PDE1C: variants seen among roughly 807,000 people sequenced by gnomAD.
The protein encoded by PDE1C is phosphodiesterase 1C.
PDE1C carries 62 observed loss-of-function variants against 93.1 expected under a neutral mutation model. The ratio of observed to expected loss-of-function variants is 0.67; its 90% CI spans 0.54 to 0.82. The LOEUF is 0.82. Ranked by LOEUF, PDE1C falls within the 40% of genes least tolerant of loss-of-function variation. PDE1C has a pLI of 0.00. For synonymous variants in PDE1C, 325 were observed against 310.1 expected, an observed-to-expected ratio of 1.05 and a Z score of -0.50; for missense variants, 742 against 884.6, an observed-to-expected ratio of 0.84 and a Z score of 2.04.
the PDE1C span, among the ~76,000 whole-genome samples, chr7:31,664,343 G>A: frequency 6.6e-6 from 1 of 152,268 alleles, no homozygotes; most frequent in East Asian, 1.9e-4. Context: ...TTGGGCAGGT[G>A]TTTGTTTAAA....
chr7:31,872,339 A>T (rs577115682), intron 6 of PDE1C, among the ~76,000 whole-genome samples: 32 of 152,214 alleles, frequency 2.1e-4, no homozygotes, highest in Non-Finnish European at 4.0e-4. Context: ...GACTACAGTT[A>T]ACAAGAATGT....
At chr7:32,249,857 A>G (rs1162472777) in intron 1 of PDE1C, among the ~76,000 whole-genome samples, 1 of 152,228 alleles carries the variant, frequency 6.6e-6, no homozygotes, top group African/African-American at 2.4e-5. Context: ...CATGTGCTCA[A>G]GGGTTACCTT....
intron 1 of PDE1C, among the ~76,000 whole-genome samples, chr7:32,363,237 A>G (rs973460155): frequency 5.3e-5 from 8 of 152,242 alleles, no homozygotes; most frequent in African/African-American, 1.9e-4. Context: ...ATGTATGATC[A>G]TCTCATTGTA....
chr7:32,184,398 C>G lies in PDE1C; in HGVS notation c.137-14442G>C, dbSNP rs556616877. 3.5e-4 allele frequency among the ~76,000 whole-genome samples: 54 copies of G among 152,282 alleles called. 1 individual carries two copies. Among genetic ancestry groups the G allele is most frequent in the Admixed American group, 7.2e-4 (11 of 15,300 alleles). On this transcript the variant is annotated intron_variant, in intron 2 of 18. Transcript: ENST00000396193. ...CACAATAGCAAAGACTTGGAACCAA[C>G]CCAAATGTCCAACAATGATAGACTG...
chr7:31,918,837 C>A (rs1802256643), intron 2 of PDE1C, among the ~76,000 whole-genome samples: 1 of 152,148 alleles, frequency 6.6e-6, no homozygotes, highest in African/African-American at 2.4e-5. Flanking sequence ...CCTGCGTAGC[C>A]AGAAGCCTCT....
chr7:32,390,558 A>AC (rs1369077569), intron 1 of PDE1C, among the ~76,000 whole-genome samples: 1 of 148,076 alleles, frequency 6.8e-6, no homozygotes, highest in African/African-American at 2.5e-5. Context: ...AAAAAAAAAA[A>AC]AAACTTGGCC....
At chr7:31,923,441 G>T (rs1433222580) in intron 2 of PDE1C, among the ~76,000 whole-genome samples, 3 of 152,190 alleles carry the variant, frequency 2.0e-5, no homozygotes, top group Non-Finnish European at 4.4e-5. Flanking sequence ...TGAGTCTAAG[G>T]TATAGCCAGA....
At chr7:31,677,714 A>G in the PDE1C span, among the ~76,000 whole-genome samples, 1 of 152,182 alleles carries the variant, frequency 6.6e-6, no homozygotes, top group South Asian at 2.1e-4. Flanking sequence ...CTTTTTCTCT[A>G]AAGTCAGGAA....
chr7:32,051,444 G>A (rs1342819403), intron 2 of PDE1C, 110 bp downstream of exon 2: 10 of 1,048,166 alleles, frequency 9.5e-6, no homozygotes, highest in Non-Finnish European at 1.2e-5. Context: ...AACATGCTGA[G>A]AAAGAACCAA....
intron 2 of PDE1C, among the ~76,000 whole-genome samples, chr7:31,883,736 G>A (rs1797537949): frequency 6.6e-6 from 1 of 152,192 alleles, no homozygotes; most frequent in Admixed American, 6.5e-5. Flanking sequence ...AGAGGAGTGG[G>A]GCCTTCAGGG....
At chr7:32,079,821 T>C (rs1181201352) in intron 3 of PDE1C, among the ~76,000 whole-genome samples, 3 of 152,188 alleles carry the variant, frequency 2.0e-5, no homozygotes, top group Non-Finnish European at 4.4e-5. Context: ...TCTGCTACAC[T>C]GGGTTGGTTA....
chr7:32,207,273 C>T (rs138011975), intron 2 of PDE1C, among the ~76,000 whole-genome samples: 9 of 151,884 alleles, frequency 5.9e-5, no homozygotes, highest in South Asian at 2.1e-4. Context: ...TGCCTGATTC[C>T]GTACTGGGCA....
intron 3 of PDE1C, among the ~76,000 whole-genome samples, chr7:32,106,173 C>A (rs187030079): frequency 6.6e-6 from 1 of 152,056 alleles, no homozygotes; most frequent in Non-Finnish European, 1.5e-5. Context: ...CCACCATACT[C>A]GGCTAATCTT....
intron 3 of PDE1C, among the ~76,000 whole-genome samples, chr7:32,159,647 A>G (rs535338806): frequency 1.3e-5 from 2 of 152,254 alleles, no homozygotes; most frequent in African/African-American, 4.8e-5. Context: ...GGAGGGGGCT[A>G]TAAGGGAGGA....
intron 1 of PDE1C, among the ~76,000 whole-genome samples, chr7:32,240,887 C>A (rs1484436085): frequency 6.6e-6 from 1 of 152,124 alleles, no homozygotes; most frequent in Non-Finnish European, 1.5e-5. Context: ...AAAAGGAGAG[C>A]TGAAGGTGGT....
At chr7:31,801,278 T>A (rs1785997329) in intron 16 of PDE1C, among the ~76,000 whole-genome samples, 1 of 150,734 alleles carries the variant, frequency 6.6e-6, no homozygotes, top group Non-Finnish European at 1.5e-5. Flanking sequence ...AAAATGAGAG[T>A]GATAACATTA....
At chr7:32,408,915 A>G (rs1485270703) in intron 1 of PDE1C, among the ~76,000 whole-genome samples, 1 of 152,238 alleles carries the variant, frequency 6.6e-6, no homozygotes, top group African/African-American at 2.4e-5. Context: ...CAGATTCCTC[A>G]GAAGACCAAA....
intron 1 of PDE1C, among the ~76,000 whole-genome samples, chr7:32,402,169 C>T (rs910030469): frequency 6.6e-6 from 1 of 152,084 alleles, no homozygotes; most frequent in Non-Finnish European, 1.5e-5. Context: ...CTAACAACCA[C>T]ATTCTACTGG....
chr7:32,384,396 T>C (rs961609168), intron 1 of PDE1C, among the ~76,000 whole-genome samples: 10 of 152,128 alleles, frequency 6.6e-5, no homozygotes, highest in Admixed American at 6.6e-4. Context: ...ATGAAGTAAT[T>C]TGCAAGATAA....
Sources: gnomAD v4.1 joint callset for allele counts (sites outside exome capture counted in the v4.1 genomes callset) on GRCh38, gnomAD v4.1.1 for gene constraint, MANE v1.5 for transcripts, NCBI Gene and HGNC (gene_info 2026-07-23, HGNC 2026-07-21) for gene names.